The following TAS2R1 variants were observed in gnomAD, a reference collection of about 807,000 sequenced individuals.
TAS2R1 encodes the protein taste receptor type 2 member 1.
For synonymous variants in TAS2R1, 141 were observed against 134.2 expected (o/e 1.05, Z -0.35); for missense variants, 370 against 353.4 (o/e 1.05, Z -0.38).
the TAS2R1 span, among the ~76,000 whole-genome samples, chr5:9,748,508 A>G: frequency 0.017 from 2,544 of 152,236 alleles, 65 homozygotes; most frequent in African/African-American, 0.056. Flanking sequence ...GGAGAGTTCA[A>G]GATTGGGTAG....
At chr5:9,861,040 T>TTTTTTTTTTTTTTTTTTTTTTTTTTTTG in the TAS2R1 span, among the ~76,000 whole-genome samples, 4 of 148,784 alleles carry the variant, frequency 2.7e-5, no homozygotes, top group Non-Finnish European at 4.5e-5. Context: ...AGATGAGGTT[T>TTTTTTTTTTTTTTTTTTTTTTTTTTTTG]TTTTTTTTTT....
the TAS2R1 span, among the ~76,000 whole-genome samples, chr5:9,826,415 C>T: frequency 0.072 from 10,963 of 152,110 alleles, 906 homozygotes; most frequent in East Asian, 0.24. Context: ...CCTACATGAT[C>T]CCAGGGTTAA....
chr5:9,706,103 A>T (rs1037879747), intron 1 of TAS2R1, among the ~76,000 whole-genome samples: 3 of 152,222 alleles, frequency 2.0e-5, no homozygotes, highest in African/African-American at 4.8e-5. Context: ...TCTGATCTCC[A>T]TCAGAACTGA....
At chr5:9,670,932 G>C (rs557001510) in intron 1 of TAS2R1, among the ~76,000 whole-genome samples, 3 of 152,254 alleles carry the variant, frequency 2.0e-5, no homozygotes, top group Admixed American at 6.5e-5. Flanking sequence ...ACATCAAAAA[G>C]CTAATCCACC....
chr5:9,886,870 G>C, the TAS2R1 span, among the ~76,000 whole-genome samples: 1 of 151,814 alleles, frequency 6.6e-6, no homozygotes, highest in Non-Finnish European at 1.5e-5. Flanking sequence ...CCCTGAACCT[G>C]AAATAAAAGT....
chr5:9,839,533 C>T, the TAS2R1 span, among the ~76,000 whole-genome samples: 1 of 152,194 alleles, frequency 6.6e-6, no homozygotes, highest in African/African-American at 2.4e-5. Flanking sequence ...ACACTCTTGA[C>T]AATCTCCAAA....
the TAS2R1 span, among the ~76,000 whole-genome samples, chr5:9,799,805 G>A: frequency 6.6e-6 from 1 of 152,166 alleles, no homozygotes; most frequent in African/African-American, 2.4e-5. Flanking sequence ...AGCTTCAAAC[G>A]AGCTAACAGA....
At chr5:9,715,332 A>G (rs1211215460), upstream of TAS2R1, among the ~76,000 whole-genome samples, 3 of 152,232 alleles carry the variant, frequency 2.0e-5, no homozygotes, top group African/African-American at 7.2e-5. Flanking sequence ...GGGATGCTAC[A>G]GCAGGTGGTT....
the TAS2R1 span, among the ~76,000 whole-genome samples, chr5:9,719,562 C>A: frequency 6.6e-6 from 1 of 152,166 alleles, no homozygotes; most frequent in African/African-American, 2.4e-5. Context: ...TCCAACAGGA[C>A]TTTTTTAATT....
chr5:9,821,009 G>C, the TAS2R1 span, among the ~76,000 whole-genome samples: 23 of 152,304 alleles, frequency 1.5e-4, no homozygotes, highest in African/African-American at 5.5e-4. Flanking sequence ...CCAGCAGAAT[G>C]TTGGTGCTTT....
the TAS2R1 span, among the ~76,000 whole-genome samples, chr5:9,726,838 C>T: frequency 6.6e-6 from 1 of 152,208 alleles, no homozygotes; most frequent in Non-Finnish European, 1.5e-5. Flanking sequence ...ACGAAAGCTT[C>T]ACCAAGCCAT....
At chr5:9,666,317 T>G (rs1483457046) in intron 1 of TAS2R1, among the ~76,000 whole-genome samples, 2 of 152,156 alleles carry the variant, frequency 1.3e-5, no homozygotes, top group Admixed American at 6.6e-5. Context: ...AGAGCTGACA[T>G]AACAATAGAT....
At chr5:9,701,477 C>A (rs1157190756) in intron 1 of TAS2R1, among the ~76,000 whole-genome samples, 3 of 152,088 alleles carry the variant, frequency 2.0e-5, no homozygotes, top group Non-Finnish European at 4.4e-5. Flanking sequence ...AAAACTCCTC[C>A]TCAGTATCTT....
At chr5:9,831,189 T>A in the TAS2R1 span, among the ~76,000 whole-genome samples, 12 of 152,274 alleles carry the variant, frequency 7.9e-5, no homozygotes, top group African/African-American at 2.9e-4. Flanking sequence ...TGTAACTTGG[T>A]GGAACTCGTC....
the TAS2R1 span, among the ~76,000 whole-genome samples, chr5:9,811,617 A>G: frequency 6.6e-6 from 1 of 151,962 alleles, no homozygotes; most frequent in Non-Finnish European, 1.5e-5. Flanking sequence ...ATACCTCGGA[A>G]CTCTGTCCTT....
the TAS2R1 span, among the ~76,000 whole-genome samples, chr5:9,899,115 C>T: frequency 6.6e-6 from 1 of 152,150 alleles, no homozygotes. Context: ...AAATATTTTA[C>T]ACCATCTATA....
the TAS2R1 span, among the ~76,000 whole-genome samples, chr5:9,783,031 G>A: frequency 6.6e-6 from 1 of 152,122 alleles, no homozygotes; most frequent in Non-Finnish European, 1.5e-5. Flanking sequence ...AGACATCGCT[G>A]TCCTTGCCTC....
the TAS2R1 span, among the ~76,000 whole-genome samples, chr5:9,760,598 T>A: frequency 1.3e-5 from 2 of 152,140 alleles, no homozygotes; most frequent in Non-Finnish European, 2.9e-5. Context: ...AATCATATAA[T>A]CATATCAATG....
chr5:9,808,586 T>C, the TAS2R1 span, among the ~76,000 whole-genome samples: 1 of 152,140 alleles, frequency 6.6e-6, no homozygotes, highest in Non-Finnish European at 1.5e-5. Flanking sequence ...GTGTCAACCA[T>C]GGACCTAATC....
Sources: allele counts gnomAD v4.1 joint callset (sites outside exome capture counted in the v4.1 genomes callset), GRCh38; gene constraint gnomAD v4.1.1; transcripts MANE v1.5; gene names NCBI Gene and HGNC (gene_info 2026-07-23, HGNC 2026-07-21).